Variants in MBNL1 observed in about 807,000 individuals in gnomAD.
MBNL1 encodes muscleblind-like protein 1.
Under a neutral mutation model 42.2 loss-of-function variants are expected in MBNL1, and 8 were observed. The observed-to-expected ratio is 0.19, with a 90% CI of 0.11 to 0.34. The LOEUF (loss-of-function observed/expected upper bound fraction) is 0.34. MBNL1 is among the 10% of genes least tolerant of loss of function. MBNL1 has a pLI of 1.00. For synonymous variants in MBNL1, 169 were observed against 173.9 expected (o/e 0.97, Z 0.22); for missense variants, 309 against 495.3 (o/e 0.62, Z 3.57).
At chr3:152,425,749 T>C (rs915535031) in intron 3 of MBNL1, among the ~76,000 whole-genome samples, 1 of 152,102 alleles carries the variant, frequency 6.6e-6, no homozygotes, top group Non-Finnish European at 1.5e-5. Flanking sequence ...TTTTACACTG[T>C]TGGGAGTGTA....
At chr3:152,413,533 G>A (rs1311834629) in intron 2 of MBNL1, among the ~76,000 whole-genome samples, 1 of 152,120 alleles carries the variant, frequency 6.6e-6, no homozygotes, top group African/African-American at 2.4e-5. Context: ...AAAATAACAA[G>A]CAGTATCCTA....
chr3:152,390,426 A>G (rs1264968120), intron 2 of MBNL1, among the ~76,000 whole-genome samples: 2 of 152,032 alleles, frequency 1.3e-5, no homozygotes, highest in African/African-American at 2.4e-5. Context: ...GTCATCTCCT[A>G]TGATAACAAT....
chr3:152,254,700 C>T (rs1162770029), intron 2 of MBNL1, among the ~76,000 whole-genome samples: 2 of 151,372 alleles, frequency 1.3e-5, no homozygotes, highest in African/African-American at 2.4e-5. Flanking sequence ...ATTATAAGGC[C>T]CTAAATAATA....
intron 2 of MBNL1, chr3:152,340,875 A>G: frequency 6.2e-7 from 1 of 1,613,268 alleles, no homozygotes; most frequent in South Asian, 1.1e-5. Context: ...GCCAGTATAA[A>G]GGCACCTGTG....
chr3:152,444,294 G>A (rs1435704755), intron 4 of MBNL1, among the ~76,000 whole-genome samples: 1 of 152,082 alleles, frequency 6.6e-6, no homozygotes, highest in Non-Finnish European at 1.5e-5. Context: ...TCAAAATTGC[G>A]CAGATGAATG....
chr3:152,376,481 A>C (rs2096906507), intron 2 of MBNL1, among the ~76,000 whole-genome samples: 1 of 152,146 alleles, frequency 6.6e-6, no homozygotes, highest in Admixed American at 6.5e-5. Context: ...TGTGTGGTTC[A>C]TCCGTAAAAT....
chr3:152,436,680 C>A (rs1308497340), intron 4 of MBNL1, among the ~76,000 whole-genome samples: 1 of 152,176 alleles, frequency 6.6e-6, no homozygotes, highest in East Asian at 1.9e-4. Flanking sequence ...TCCAATCCTG[C>A]CACATTCACA....
At chr3:152,293,458 T>C (rs1431526898) in intron 1 of MBNL1, among the ~76,000 whole-genome samples, 3 of 152,186 alleles carry the variant, frequency 2.0e-5, no homozygotes, top group East Asian at 1.9e-4. Flanking sequence ...CTGGGAATAA[T>C]TGTGTGAGCA....
chr3:152,298,788 C>T (rs1258017960), intron 1 of MBNL1, among the ~76,000 whole-genome samples: 1 of 152,160 alleles, frequency 6.6e-6, no homozygotes, highest in Admixed American at 6.5e-5. Context: ...GTAAACACCC[C>T]TTTCCTTTTT....
chr3:152,365,215 A>C (rs1408533827), intron 2 of MBNL1, among the ~76,000 whole-genome samples: 1 of 152,138 alleles, frequency 6.6e-6, no homozygotes, highest in African/African-American at 2.4e-5. Context: ...AACGCTTGTC[A>C]GTTCATTCAT....
At chr3:152,413,042 G>A (rs139916141) in intron 2 of MBNL1, among the ~76,000 whole-genome samples, 118 of 152,188 alleles carry the variant, frequency 7.8e-4, no homozygotes, top group African/African-American at 2.7e-3. Flanking sequence ...CCTGAAATTA[G>A]ACCATATGCT....
At chr3:152,332,741 C>CGCGT (rs1553840978) in intron 2 of MBNL1, among the ~76,000 whole-genome samples, 44 of 80,200 alleles carry the variant, frequency 5.5e-4, no homozygotes, top group African/African-American at 9.7e-4. Flanking sequence ...TGTGTGTGTG[C>CGCGT]GCGCGCGCAT....
chr3:152,288,173 T>G (rs2053686098), intron 1 of MBNL1, among the ~76,000 whole-genome samples: 1 of 152,228 alleles, frequency 6.6e-6, no homozygotes, highest in Non-Finnish European at 1.5e-5. Context: ...TCAGGTACTT[T>G]ATTCTGTAGA....
At chr3:152,410,714 CA>C (rs936909986) in intron 2 of MBNL1, among the ~76,000 whole-genome samples, 2 of 152,156 alleles carry the variant, frequency 1.3e-5, no homozygotes, top group Non-Finnish European at 2.9e-5. Flanking sequence ...GACAGCTCTC[CA>C]AAAGTAAGAT....
intron 2 of MBNL1, among the ~76,000 whole-genome samples, chr3:152,364,179 A>C (rs564271210): frequency 6.6e-6 from 1 of 152,098 alleles, no homozygotes; most frequent in African/African-American, 2.4e-5. Flanking sequence ...TAGAGGCTAT[A>C]GTAATAATCT....
intron 3 of MBNL1, 113 bp downstream of exon 3, chr3:152,415,224 C>T (rs2098677310): frequency 4.9e-6 from 5 of 1,024,198 alleles, no homozygotes; most frequent in Admixed American, 3.3e-5. Context: ...ATTTCAGTTG[C>T]CTTACCATTT....
chr3:152,385,955 C>T (rs2097398380), intron 2 of MBNL1, among the ~76,000 whole-genome samples: 1 of 151,926 alleles, frequency 6.6e-6, no homozygotes, highest in Admixed American at 6.6e-5. Context: ...AGTCAACAGT[C>T]AGGAACATTC....
intron 2 of MBNL1, among the ~76,000 whole-genome samples, chr3:152,338,886 A>G (rs1487378822): frequency 6.6e-6 from 1 of 152,156 alleles, no homozygotes; most frequent in Non-Finnish European, 1.5e-5. Context: ...TAAATTTGGC[A>G]TGGAACAGAT....
intron 2 of MBNL1, among the ~76,000 whole-genome samples, chr3:152,412,849 T>A (rs1366591898): frequency 6.6e-6 from 1 of 152,228 alleles, no homozygotes; most frequent in African/African-American, 2.4e-5. Context: ...GAAACCGATG[T>A]GAGTGAATTG....
Sources: gnomAD v4.1 joint callset for allele counts (sites outside exome capture counted in the v4.1 genomes callset) on GRCh38, gnomAD v4.1.1 for gene constraint, MANE v1.5 for transcripts, NCBI Gene and HGNC (gene_info 2026-07-23, HGNC 2026-07-21) for gene names.